Variants in HIBADH observed in about 807,000 individuals in gnomAD.
The protein encoded by HIBADH is 3-hydroxyisobutyrate dehydrogenase, mitochondrial.
A neutral mutation model predicts 36.1 loss-of-function variants in HIBADH; 25 were observed. That is an observed-to-expected ratio of 0.69 (90% CI 0.50 to 0.97). The LOEUF is 0.97. Ranked by LOEUF, HIBADH falls within the 50% of genes least tolerant of loss-of-function variation. HIBADH has a pLI of 0.00. For synonymous variants in HIBADH, 160 were observed against 149.5 expected, an observed-to-expected ratio of 1.07 and a Z score of -0.51; for missense variants, 421 against 418.0, an observed-to-expected ratio of 1.01 and a Z score of -0.06.
chr7:27,540,707 A>G (rs1029233761), intron 5 of HIBADH, among the ~76,000 whole-genome samples: 1 of 152,146 alleles, frequency 6.6e-6, no homozygotes, highest in Non-Finnish European at 1.5e-5. Context: ...GGTCCTTATG[A>G]TCCCCTACTC....
At chr7:27,632,610 A>C (rs531932645) in intron 2 of HIBADH, among the ~76,000 whole-genome samples, 165 bp from the exon 3 acceptor site, 6 of 151,486 alleles carry the variant, frequency 4.0e-5, no homozygotes, top group African/African-American at 1.5e-4. Context: ...CTTACTGCCC[A>C]AAATAAAGGC....
intron 4 of HIBADH, among the ~76,000 whole-genome samples, chr7:27,590,879 C>G (rs564079212): frequency 1.2e-4 from 18 of 152,292 alleles, no homozygotes; most frequent in African/African-American, 4.3e-4. Context: ...ATATTTCCAG[C>G]CTTTCAGTGA....
intron 1 of HIBADH, among the ~76,000 whole-genome samples, chr7:27,662,225 T>TC (rs748254379): frequency 2.0e-5 from 3 of 152,114 alleles, no homozygotes; most frequent in Non-Finnish European, 4.4e-5. Flanking sequence ...AATAAGGCCA[T>TC]CCCCTCGGAC....
chr7:27,627,866 A>G (rs12667610), intron 4 of HIBADH, among the ~76,000 whole-genome samples: 108,606 of 151,946 alleles, frequency 0.71, 38,949 homozygotes, highest in East Asian at 0.94. Context: ...AAATTGCTTG[A>G]TAAGAACAAA....
Position 27,553,341 on chromosome 7 carries a change from C to T in HIBADH, c.485-10241G>A, listed in dbSNP as rs568483695. Among the ~76,000 whole-genome samples the T allele has an allele frequency of 2.0e-4, 31 of 152,304 alleles. No individual in the cohort carries two copies. In the South Asian group the frequency reaches 4.1e-3, roughly 20 times the overall value. ...TAGATCCTTAAATTGGAAGCAATAG[C>T]CGTTCTTCTATCCCAAGTTGGCAGC... On this transcript the variant is annotated intron_variant, in intron 4 of 7. Coordinates refer to ENST00000265395, the MANE Select transcript of HIBADH (RefSeq NM_152740.4).
intron 1 of HIBADH, among the ~76,000 whole-genome samples, chr7:27,657,857 A>C (rs1786335242): frequency 6.6e-6 from 1 of 152,170 alleles, no homozygotes; most frequent in South Asian, 2.1e-4. Context: ...TTGATCAATA[A>C]AAGTACCTAC....
chr7:27,583,737 T>C (rs966571307), intron 4 of HIBADH, among the ~76,000 whole-genome samples: 1 of 152,028 alleles, frequency 6.6e-6, no homozygotes, highest in Non-Finnish European at 1.5e-5. Flanking sequence ...GGTCTTAGGA[T>C]TTCTTTATAC....
rs893259127 is a variant in HIBADH at position 27,551,816 on chromosome 7, C to G, written c.485-8716G>C. ...AAATCACTTAATTTACTCAAAAGAA[C>G]TTAAATGTTTTAACCAGTGTGCCAT... On this transcript the variant is annotated intron_variant, in intron 4 of 7. Coordinates refer to ENST00000265395, the MANE Select transcript of HIBADH (RefSeq NM_152740.4). 3.5e-4 allele frequency among the ~76,000 whole-genome samples: 53 copies of G among 152,104 alleles called. 2 individuals are homozygous for G.
chr7:27,581,686 C>T (rs934062423), intron 4 of HIBADH, among the ~76,000 whole-genome samples: 4 of 152,094 alleles, frequency 2.6e-5, no homozygotes, highest in Non-Finnish European at 5.9e-5. Flanking sequence ...ATACTTATCG[C>T]TTTTTCTAGA....
chr7:27,636,845 T>C (rs924843849), intron 2 of HIBADH, among the ~76,000 whole-genome samples: 2 of 152,214 alleles, frequency 1.3e-5, no homozygotes, highest in Non-Finnish European at 2.9e-5. Flanking sequence ...GAAGGGGCAG[T>C]GCAGAGCAGA....
At chr7:27,583,274 A>G (rs1233906521) in intron 4 of HIBADH, among the ~76,000 whole-genome samples, 2 of 152,102 alleles carry the variant, frequency 1.3e-5, no homozygotes, top group African/African-American at 2.4e-5. Context: ...AGTAAAATAC[A>G]TTGAACAGCT....
chr7:27,608,047 G>A (rs1353255732), intron 4 of HIBADH, among the ~76,000 whole-genome samples: 1 of 152,180 alleles, frequency 6.6e-6, no homozygotes, highest in South Asian at 2.1e-4. Flanking sequence ...CTCATACTAA[G>A]TTTGATTTTT....
intron 2 of HIBADH, among the ~76,000 whole-genome samples, chr7:27,639,473 A>T (rs1785920822): frequency 1.3e-5 from 2 of 152,140 alleles, no homozygotes; most frequent in Admixed American, 6.5e-5. Context: ...AGGATCAAAA[A>T]ACTACCTGCC....
chr7:27,550,788 T>C (rs1784306944), intron 4 of HIBADH, among the ~76,000 whole-genome samples: 1 of 152,226 alleles, frequency 6.6e-6, no homozygotes, highest in African/African-American at 2.4e-5. Context: ...ACCCAGCACA[T>C]GGCATGTGTC....
intron 4 of HIBADH, among the ~76,000 whole-genome samples, chr7:27,609,369 C>T (rs1404123815): frequency 1.3e-5 from 2 of 152,142 alleles, no homozygotes; most frequent in Non-Finnish European, 2.9e-5. Context: ...TTTTTATGGG[C>T]ACCTCTTCTT....
In HIBADH at chr7:27,662,865, G is replaced by A. The variant is rs961961753; in HGVS notation, c.-77C>T. 5 of 1,187,708 alleles carry A rather than the reference G, an allele frequency of 4.2e-6. No homozygotes were observed. The highest frequency in any genetic ancestry group is 1.6e-5 in the African/African-American group (1 of 62,400). 73.6% of individuals were successfully genotyped at this position (1,187,708 alleles called of 1,614,324 possible). ...CACAGACTGCGAGCGTGTGCAGCGG[G>A]ACTGGCTGGCTCGCCCACGGAGAAG... On this transcript the variant is annotated 5_prime_UTR_variant, in exon 1 of 8. Transcript: ENST00000265395.
chr7:27,585,821 T>C (rs1324908666), intron 4 of HIBADH, among the ~76,000 whole-genome samples: 2 of 152,016 alleles, frequency 1.3e-5, no homozygotes, highest in Non-Finnish European at 2.9e-5. Flanking sequence ...TTAAAAATGG[T>C]TGTATTTTCT....
chr7:27,591,739 A>T (rs1424762599), intron 4 of HIBADH, among the ~76,000 whole-genome samples: 1 of 152,218 alleles, frequency 6.6e-6, no homozygotes, highest in East Asian at 1.9e-4. Context: ...TCCCCTTGAA[A>T]CTTAGTTTAA....
chr7:27,661,567 G>A (rs541747753), intron 1 of HIBADH, among the ~76,000 whole-genome samples: 44 of 142,096 alleles, frequency 3.1e-4, no homozygotes, highest in Non-Finnish European at 5.9e-4. Context: ...TCCAGCCTGG[G>A]CGACAGAGAC....
Sources: gnomAD v4.1 joint callset for allele counts (sites outside exome capture counted in the v4.1 genomes callset) on GRCh38, gnomAD v4.1.1 for gene constraint, MANE v1.5 for transcripts, NCBI Gene and HGNC (gene_info 2026-07-23, HGNC 2026-07-21) for gene names.